The following SORCS1 variants were observed in gnomAD, a reference collection of about 807,000 sequenced individuals.
SORCS1 encodes sortilin related VPS10 domain containing receptor 1.
SORCS1 carries 60 observed loss-of-function variants against 146.1 expected under a neutral mutation model. The ratio of observed to expected loss-of-function variants is 0.41; its 90% CI spans 0.33 to 0.51. The LOEUF (loss-of-function observed/expected upper bound fraction) is 0.51. Ranked by LOEUF, SORCS1 falls within the 20% of genes least tolerant of loss-of-function variation. The pLI is 0.21. For synonymous variants in SORCS1, 637 were observed against 584.0 expected (o/e 1.09, Z -1.31); for missense variants, 1,352 against 1,487.6 (o/e 0.91, Z 1.50).
chr10:106,804,530 A>C (rs1037708807), intron 3 of SORCS1, among the ~76,000 whole-genome samples: 1 of 152,014 alleles, frequency 6.6e-6, no homozygotes, highest in African/African-American at 2.4e-5. Flanking sequence ...TAAAGTAAAA[A>C]GTTTATAAAT....
At chr10:106,911,635 C>T (rs1952161557) in intron 2 of SORCS1, among the ~76,000 whole-genome samples, 1 of 152,154 alleles carries the variant, frequency 6.6e-6, no homozygotes, top group Non-Finnish European at 1.5e-5. Flanking sequence ...CCTGGCATTT[C>T]TCGGCTGATC....
chr10:106,909,384 C>CAG (rs3045086), intron 2 of SORCS1, among the ~76,000 whole-genome samples: 60,373 of 149,780 alleles, frequency 0.4, 12,544 homozygotes, highest in Non-Finnish European at 0.48. Flanking sequence ...ATACAAATGA[C>CAG]AGAGAGAGAG....
At chr10:106,614,740 TAACCAGCATGGCAGGGA>T (rs1847241393) in intron 21 of SORCS1, among the ~76,000 whole-genome samples, 1 of 152,202 alleles carries the variant, frequency 6.6e-6, no homozygotes, top group Non-Finnish European at 1.5e-5. Flanking sequence ...CTTAGCATAC[TAACCAGCATGGCAGGGA>T]GGCAGAATGG....
chr10:107,106,621 G>A lies in SORCS1; in HGVS notation c.558+57348C>T, dbSNP rs185835671. Among the ~76,000 whole-genome samples, 317 of 152,136 alleles carry A rather than the reference G, an allele frequency of 2.1e-3. 2 individuals carry two copies. The highest frequency in any genetic ancestry group is 2.5e-3 in the Non-Finnish European group (172 of 68,004). On this transcript the variant is annotated intron_variant, in intron 1 of 25. Coordinates refer to ENST00000263054, the MANE Select transcript of SORCS1 (RefSeq NM_052918.5). ...AAATCACACTCAGCTCTCAGTATCAGGAATAAAGATTCTCCTTTTTAACCA... is the reference window on the plus strand; with the variant it reads ...AAATCACACTCAGCTCTCAGTATCAAGAATAAAGATTCTCCTTTTTAACCA...
At chr10:106,857,350 G>A (rs1329964962) in intron 2 of SORCS1, among the ~76,000 whole-genome samples, 4 of 152,198 alleles carry the variant, frequency 2.6e-5, no homozygotes, top group African/African-American at 9.7e-5. Flanking sequence ...TACTGCCAAG[G>A]TCACAAAGCA....
At chr10:107,075,566 A>T (rs965246928) in intron 1 of SORCS1, among the ~76,000 whole-genome samples, 8 of 152,086 alleles carry the variant, frequency 5.3e-5, no homozygotes, top group African/African-American at 1.9e-4. Context: ...GGAATTCCCA[A>T]ATTCACAAAC....
In SORCS1 at chr10:107,063,291, A is replaced by C. The variant is rs190741165; in HGVS notation, c.558+100678T>G. 1.6e-3 allele frequency among the ~76,000 whole-genome samples: 247 copies of C among 152,308 alleles called. 1 individual carries two copies. The highest frequency in any genetic ancestry group is 3.4e-3 in the Middle Eastern group (1 of 294). On this transcript the variant is annotated intron_variant, in intron 1 of 25. Transcript: ENST00000263054. ...TTTCCATTTTCATGTTTTCTAAAAT[A>C]GGTAGTCATTTTAAAATAAAACTGT...
chr10:106,790,368 C>T (rs563187451), intron 3 of SORCS1, among the ~76,000 whole-genome samples: 1 of 152,158 alleles, frequency 6.6e-6, no homozygotes, highest in Admixed American at 6.5e-5. Flanking sequence ...TCCGGTGCTG[C>T]AGCCAATGAG....
At chr10:107,101,703 A>C (rs2134384535) in intron 1 of SORCS1, among the ~76,000 whole-genome samples, 1 of 152,026 alleles carries the variant, frequency 6.6e-6, no homozygotes, top group South Asian at 2.1e-4. Flanking sequence ...AAATTTAAGT[A>C]TGTCAAGCAT....
chr10:106,761,731 G>T, intron 4 of SORCS1, 70 bp from the exon 5 acceptor site: 1 of 1,268,510 alleles, frequency 7.9e-7, no homozygotes, highest in South Asian at 1.2e-5. Flanking sequence ...TCAGTTCATT[G>T]GATCAATAGT....
chr10:106,881,076 CAAAAAAAAAAAAA>C (rs59128024), intron 2 of SORCS1, among the ~76,000 whole-genome samples: 1 of 69,168 alleles, frequency 1.4e-5, no homozygotes, highest in Non-Finnish European at 2.7e-5. Flanking sequence ...GACTCTGTCT[CAAAAAAAAAAAAA>C]AAAAAAAAAG....
intron 1 of SORCS1, among the ~76,000 whole-genome samples, chr10:106,962,532 A>G (rs1041025126): frequency 6.6e-6 from 1 of 152,210 alleles, no homozygotes; most frequent in Non-Finnish European, 1.5e-5. Context: ...AAATCTCAAA[A>G]GAAACAAAAG....
intron 2 of SORCS1, among the ~76,000 whole-genome samples, chr10:106,934,122 A>T (rs1045790929): frequency 2.0e-5 from 3 of 151,662 alleles, no homozygotes; most frequent in Non-Finnish European, 4.4e-5. Flanking sequence ...AAAAAAAGAA[A>T]GAAAATTTCA....
intron 1 of SORCS1, among the ~76,000 whole-genome samples, chr10:106,971,483 T>C (rs527399164): frequency 3.7e-4 from 57 of 152,326 alleles, no homozygotes; most frequent in African/African-American, 1.2e-3. Context: ...CCCTGAGAAA[T>C]TGCAATCTAC....
intron 1 of SORCS1, among the ~76,000 whole-genome samples, chr10:107,106,588 C>T (rs1469154952): frequency 6.6e-6 from 1 of 151,958 alleles, no homozygotes; most frequent in Admixed American, 6.6e-5. Context: ...TGTAGAATCA[C>T]CAAGGAAAAA....
At chr10:107,093,897 A>G (rs893048630) in intron 1 of SORCS1, among the ~76,000 whole-genome samples, 1 of 152,110 alleles carries the variant, frequency 6.6e-6, no homozygotes, top group African/African-American at 2.4e-5. Flanking sequence ...TCTTGAACAC[A>G]GTGGGGTCAT....
chr10:106,705,506 G>T (rs1367045688), intron 8 of SORCS1, among the ~76,000 whole-genome samples: 1 of 152,114 alleles, frequency 6.6e-6, no homozygotes, highest in Non-Finnish European at 1.5e-5. Flanking sequence ...AGTGATGGAT[G>T]AAAATATAAG....
intron 1 of SORCS1, among the ~76,000 whole-genome samples, chr10:107,120,247 T>C (rs1371740033): frequency 6.6e-6 from 1 of 152,204 alleles, no homozygotes; most frequent in East Asian, 1.9e-4. Flanking sequence ...ACATCATATA[T>C]AAATGTATCA....
In SORCS1 at chr10:106,679,584, A is replaced by G. The variant is rs1407284853; in HGVS notation, c.1663+48T>C. The stretch of plus-strand genomic sequence containing the variant: ...TCCAAGTACAGATATCTAGCTTCTT[A>G]AAATAAACACTATTTACCACAGCCA... On this transcript the variant is annotated intron_variant, in intron 11 of 25. Transcript: ENST00000263054. 1.1e-5 allele frequency: 16 copies of G among 1,467,142 alleles called. No homozygotes were observed. The Admixed American group carries it at 3.1e-4, about 28-fold the overall frequency. 90.9% of individuals were successfully genotyped at this position (1,467,142 alleles called of 1,614,324 possible).
Sources: gnomAD v4.1 joint callset for allele counts (sites outside exome capture counted in the v4.1 genomes callset) on GRCh38, gnomAD v4.1.1 for gene constraint, MANE v1.5 for transcripts, NCBI Gene and HGNC (gene_info 2026-07-23, HGNC 2026-07-21) for gene names.